Variants in DCLRE1C observed in about 807,000 individuals in gnomAD.
DCLRE1C encodes DNA cross-link repair 1C, also known as protein artemis.
DCLRE1C carries 47 observed loss-of-function variants against 61.4 expected under a neutral mutation model. The ratio of observed to expected loss-of-function variants is 0.77; its 90% confidence interval spans 0.61 to 0.98. DCLRE1C has a LOEUF of 0.98. Ranked by LOEUF, DCLRE1C falls within the 50% of genes least tolerant of loss-of-function variation. The pLI is 0.00. For missense variants in DCLRE1C, 858 were observed against 816.0 expected, an observed-to-expected ratio of 1.05 and a Z score of -0.63; for synonymous variants, 337 against 287.6, an observed-to-expected ratio of 1.17 and a Z score of -1.74.
chr10:14,934,608 G>A (rs1181426719), intron 7 of DCLRE1C, 88 bp from the exon 8 acceptor site: 13 of 1,612,862 alleles, frequency 8.1e-6, no homozygotes, highest in East Asian at 6.7e-5. Flanking sequence ...TCACACCTAC[G>A]GGGACAGTTA....
downstream of DCLRE1C, among the ~76,000 whole-genome samples, chr10:14,901,550 T>G (rs562132299): frequency 5.9e-5 from 9 of 152,226 alleles, no homozygotes; most frequent in African/African-American, 2.2e-4. Flanking sequence ...CTTGTCTTTT[T>G]TTTTTTTTTT....
At chr10:14,949,654 G>A (rs562694285) in intron 1 of DCLRE1C, among the ~76,000 whole-genome samples, 1 of 152,332 alleles carries the variant, frequency 6.6e-6, no homozygotes, top group Admixed American at 6.5e-5. Flanking sequence ...GTAGCAATTA[G>A]ACCGACTATT....
intron 4 of DCLRE1C, among the ~76,000 whole-genome samples, chr10:14,938,967 A>T (rs190731142): frequency 3.4e-3 from 523 of 152,264 alleles, no homozygotes; most frequent in African/African-American, 0.012. Context: ...CCTCCCCAAA[A>T]TTCCTATGTT....
intron 13 of DCLRE1C, among the ~76,000 whole-genome samples, chr10:14,910,520 C>A (rs1054802969): frequency 1.3e-5 from 2 of 152,138 alleles, no homozygotes; most frequent in Non-Finnish European, 2.9e-5. Flanking sequence ...GTTTTGAACT[C>A]CTGCACTCAG....
chr10:14,908,896 G>T lies in DCLRE1C; in HGVS notation c.1591C>A (p.His531Asn). Reference sequence around the variant, plus strand: ...TGGGAAGAATTCTGGGAGGAGATGTGAGTTGATTCTCCATCAGAGTCACTG... The same window carrying T: ...TGGGAAGAATTCTGGGAGGAGATGTTAGTTGATTCTCCATCAGAGTCACTG... ...LFSDSDGEST[H>N]ISSQNSSQST... The change falls in exon 14 of 14, where the codon CAC (histidine) becomes AAC (asparagine). Residue 531 changes from histidine to asparagine, a missense_variant. By Grantham distance (68) the His-to-Asn change is moderately conservative (BLOSUM62 1). This residue lies in a region of DCLRE1C where 843 missense variants were observed against 783.5 expected (regional missense o/e 1.08). Transcript: ENST00000378278. 9 of 1,614,172 alleles carry T rather than the reference G, an allele frequency of 5.6e-6. No homozygotes were observed. Among genetic ancestry groups the T allele is most frequent in the Non-Finnish European group, 7.6e-6 (9 of 1,180,032 alleles).
intron 6 of DCLRE1C, 143 bp from the exon 7 acceptor site, chr10:14,934,918 G>A: frequency 7.4e-6 from 5 of 672,512 alleles, no homozygotes; most frequent in Non-Finnish European, 1.3e-5. Context: ...CACCTCCCGG[G>A]TTCAAGCAAT....
rs543589048 is a variant in DCLRE1C at position 14,905,550 on chromosome 10, A to C, written c.*2858T>G. Among the ~76,000 whole-genome samples, 1 of 152,378 alleles carries C rather than the reference A, an allele frequency of 6.6e-6. No individual in the cohort carries two copies. Among genetic ancestry groups the C allele is most frequent in the South Asian group, 2.1e-4 (1 of 4,832 alleles). On this transcript the variant is annotated 3_prime_UTR_variant, in exon 14 of 14. Coordinates refer to ENST00000378278, the MANE Select transcript of DCLRE1C (RefSeq NM_001033855.3). ...GCCAAGATCACCCAGTGAACTTTTTAAAGTATTTAATCTTCGGCTTCAGGC... is the reference window on the plus strand; with the variant it reads ...GCCAAGATCACCCAGTGAACTTTTTCAAGTATTTAATCTTCGGCTTCAGGC...
chr10:14,918,117 T>TA (rs1836507010), intron 13 of DCLRE1C, among the ~76,000 whole-genome samples: 2 of 152,240 alleles, frequency 1.3e-5, no homozygotes, highest in Non-Finnish European at 2.9e-5. Flanking sequence ...TTCTTAAAGA[T>TA]ACAGCTACCA....
chr10:14,919,659 C>A (rs1836774511), intron 13 of DCLRE1C, 79 bp downstream of exon 13: 1 of 1,149,116 alleles, frequency 8.7e-7, no homozygotes, highest in Non-Finnish European at 1.3e-6. Context: ...CCCAAGGCCA[C>A]TTCTCCCAGA....
At chr10:14,904,409 G>A (rs755058209), downstream of DCLRE1C, 2 of 134,212 alleles carry the variant, frequency 1.5e-5, no homozygotes, top group Admixed American at 8.7e-5. Flanking sequence ...CAGTCACATA[G>A]TGTCAGTGTT....
chr10:14,945,439 G>A, intron 2 of DCLRE1C: 1 of 1,230,302 alleles, frequency 8.1e-7, no homozygotes, highest in Non-Finnish European at 1.0e-6. Flanking sequence ...ACATACCTAT[G>A]CACACCATTT....
chr10:14,918,628 T>TAAA (rs1564392842), intron 13 of DCLRE1C, among the ~76,000 whole-genome samples: 2 of 147,334 alleles, frequency 1.4e-5, no homozygotes, highest in African/African-American at 5.1e-5. Flanking sequence ...AAGCTGTTTT[T>TAAA]TAAAAAAAAA....
Position 14,954,077 on chromosome 10 carries a change from G to A in DCLRE1C, c.-67C>T. The A allele has an allele frequency of 1.2e-6, 2 of 1,604,110 alleles. No homozygotes were observed. Among genetic ancestry groups the A allele is most frequent in the Non-Finnish European group, 1.7e-6 (2 of 1,177,344 alleles). ...TGAAGCCAAGGCCAGCCCTGACCGC[G>A]CCGCCACTTCCGGGAAGCCGCGCGC... On this transcript the variant is annotated 5_prime_UTR_variant, in exon 1 of 14. Transcript: ENST00000378278.
intron 9 of DCLRE1C, among the ~76,000 whole-genome samples, chr10:14,929,597 G>C (rs539421979): frequency 6.6e-6 from 1 of 151,972 alleles, no homozygotes; most frequent in East Asian, 1.9e-4. Context: ...AGCAATGATT[G>C]CACCACTGCA....
In DCLRE1C at chr10:14,936,532, C is replaced by G. The variant is rs1174899061; in HGVS notation, c.362+6G>C. 6.2e-7 allele frequency: 1 copy of G among 1,608,672 alleles called. No homozygotes were observed. Among genetic ancestry groups the G allele is most frequent in the African/African-American group, 1.3e-5 (1 of 74,742 alleles). On this transcript the variant is annotated splice_donor_region_variant and intron_variant, in intron 5 of 13. Coordinates refer to ENST00000378278, the MANE Select transcript of DCLRE1C (RefSeq NM_001033855.3). ...AATAAAATGACAAAATAAATGACCC[C>G]CTTACATAACTGATCCCGGACAGTG... is the stretch of plus-strand genomic sequence containing the variant.
chr10:14,942,584 A>T (rs1841036111), intron 3 of DCLRE1C: 1 of 152,432 alleles, frequency 6.6e-6, no homozygotes, highest in Non-Finnish European at 1.5e-5. Flanking sequence ...ACGACAGAGA[A>T]TGAGAAGAAA....
At chr10:14,916,390 G>A (rs547827929) in intron 13 of DCLRE1C, among the ~76,000 whole-genome samples, 1 of 152,296 alleles carries the variant, frequency 6.6e-6, no homozygotes, top group South Asian at 2.1e-4. Flanking sequence ...CAAGGTTGCA[G>A]GATACAAGAT....
At chr10:14,899,447 T>C in intron 13 of DCLRE1C, 1 of 1,349,302 alleles carries the variant, frequency 7.4e-7, no homozygotes. Flanking sequence ...ACTTTTTAAA[T>C]ATTTGTAGGT....
chr10:14,902,927 C>G (rs1834120763), downstream of DCLRE1C: 4 of 153,772 alleles, frequency 2.6e-5, no homozygotes, highest in Non-Finnish European at 5.8e-5. Context: ...ATCTACAGTT[C>G]TGTTTTTGCT....
Sources: gnomAD v4.1 joint callset for allele counts (sites outside exome capture counted in the v4.1 genomes callset) on GRCh38, gnomAD v4.1.1 for gene constraint, gnomAD v4.1.1 regional missense constraint, MANE v1.5 for transcripts, NCBI Gene and HGNC (gene_info 2026-07-23, HGNC 2026-07-21) for gene names.